IGSF5: variants seen among roughly 807,000 people sequenced by gnomAD.
IGSF5 encodes the protein immunoglobulin superfamily 5 like.
IGSF5 carries 41 observed loss-of-function variants against 39.4 expected under a neutral mutation model. The ratio of observed to expected loss-of-function variants is 1.04; its 90% CI spans 0.81 to 1.35. The LOEUF (loss-of-function observed/expected upper bound fraction) is 1.35, where lower values mean the gene tolerates loss of function less well. Ranked by LOEUF, IGSF5 falls within the 40% of genes most tolerant of loss-of-function variation. The pLI is 0.00. For missense variants in IGSF5, 487 were observed against 494.6 expected, an observed-to-expected ratio of 0.98 and a Z score of 0.15; for synonymous variants, 183 against 175.3, an observed-to-expected ratio of 1.04 and a Z score of -0.34.
chr21:39,731,736 A>G, the IGSF5 span, among the ~76,000 whole-genome samples: 2 of 152,178 alleles, frequency 1.3e-5, no homozygotes, highest in Admixed American at 6.5e-5. Context: ...GAGCTTCCAG[A>G]AAAGGACTCA....
chr21:39,745,003 A>C (rs1161789671), upstream of IGSF5, among the ~76,000 whole-genome samples: 1 of 152,204 alleles, frequency 6.6e-6, no homozygotes, highest in Admixed American at 6.5e-5. Context: ...AAGATCTTCA[A>C]TTATCAATTA....
At chr21:39,740,544 T>C (rs1316544438), upstream of IGSF5, among the ~76,000 whole-genome samples, 1 of 152,190 alleles carries the variant, frequency 6.6e-6, no homozygotes, top group Non-Finnish European at 1.5e-5. Context: ...TGAGCACTAG[T>C]TCCTGGAGTG....
At chr21:39,795,034 G>T (rs549018638) in intron 8 of IGSF5, among the ~76,000 whole-genome samples, 2 of 152,114 alleles carry the variant, frequency 1.3e-5, no homozygotes, top group African/African-American at 4.8e-5. Context: ...TGTCAACACA[G>T]GTAGCCAGAC....
chr21:39,759,490 G>A (rs1045391623), intron 2 of IGSF5, among the ~76,000 whole-genome samples: 9 of 152,096 alleles, frequency 5.9e-5, no homozygotes, highest in African/African-American at 1.7e-4. Flanking sequence ...TATTTCAGCC[G>A]TGGTTACAAA....
intron 2 of IGSF5, among the ~76,000 whole-genome samples, chr21:39,753,252 C>A (rs1460632960): frequency 1.3e-5 from 2 of 152,020 alleles, no homozygotes; most frequent in Non-Finnish European, 2.9e-5. Flanking sequence ...ATAGGGTGTC[C>A]TCTCCTCAAT....
At position 39,794,468 on chromosome 21, in the gene IGSF5, A is replaced by G. The variant is rs186795173; in HGVS notation, c.1128+855A>G. ...GATGGTTCACTTAAGTAAACGGTCA[A>G]CTGGCAGCACTGAGAACATAGTATG... On this transcript the variant is annotated intron_variant, in intron 8 of 8. Transcript: ENST00000380588. 1.8e-3 allele frequency among the ~76,000 whole-genome samples: 281 copies of G among 152,338 alleles called. 1 individual carries two copies. The highest frequency in any genetic ancestry group is 5.8e-3 in the Admixed American group (89 of 15,304).
chr21:39,738,435 A>G, the IGSF5 span, among the ~76,000 whole-genome samples: 11 of 152,140 alleles, frequency 7.2e-5, no homozygotes, highest in African/African-American at 2.4e-4. This position sits in a 1 kb window ranked among gnomAD's most constrained non-coding sequence, Gnocchi z 6.4. Context: ...TCAAGATGAG[A>G]TTTAGGTGGG....
chr21:39,787,607 A>G (rs1470327251), intron 5 of IGSF5, among the ~76,000 whole-genome samples: 1 of 140,620 alleles, frequency 7.1e-6, no homozygotes, highest in Non-Finnish European at 1.5e-5. Context: ...AATTGATACC[A>G]TTGGTACATA....
intron 8 of IGSF5, among the ~76,000 whole-genome samples, chr21:39,795,055 A>AT (rs1181595718): frequency 6.6e-6 from 1 of 152,202 alleles, no homozygotes; most frequent in Non-Finnish European, 1.5e-5. Context: ...AACAAGACAT[A>AT]TGAGGGGCCT....
intron 2 of IGSF5, among the ~76,000 whole-genome samples, chr21:39,746,748 G>A (rs116613333): frequency 7.2e-5 from 11 of 152,164 alleles, no homozygotes; most frequent in African/African-American, 2.2e-4. Context: ...CGGAATGGGG[G>A]CTCAGCACAC....
chr21:39,759,265 A>G (rs1314869011), intron 2 of IGSF5, among the ~76,000 whole-genome samples: 3 of 152,216 alleles, frequency 2.0e-5, no homozygotes, highest in Non-Finnish European at 4.4e-5. Context: ...TAAATCTAAG[A>G]GCACCAGAAT....
At chr21:39,721,602 C>T in the IGSF5 span, among the ~76,000 whole-genome samples, 1 of 152,006 alleles carries the variant, frequency 6.6e-6, no homozygotes, top group African/African-American at 2.4e-5. Context: ...CCAGAAACAC[C>T]CTTATTAGTG....
At chr21:39,728,211 C>A in the IGSF5 span, among the ~76,000 whole-genome samples, 63 of 152,244 alleles carry the variant, frequency 4.1e-4, no homozygotes, top group Non-Finnish European at 6.6e-4. Flanking sequence ...GGGAATATGA[C>A]CTTATTTGCA....
the IGSF5 span, among the ~76,000 whole-genome samples, chr21:39,723,975 C>T: frequency 6.6e-6 from 1 of 151,958 alleles, no homozygotes; most frequent in African/African-American, 2.4e-5. Context: ...GGTGAAGCCA[C>T]ATCTCACTTG....
At chr21:39,797,666 G>T (rs1265786828) in intron 8 of IGSF5, among the ~76,000 whole-genome samples, 2 of 152,124 alleles carry the variant, frequency 1.3e-5, no homozygotes, top group Non-Finnish European at 2.9e-5. Context: ...ACGGGCACTT[G>T]CTGCCATGCC....
At chr21:39,748,515 T>C (rs1263642066) in intron 2 of IGSF5, among the ~76,000 whole-genome samples, 1 of 151,886 alleles carries the variant, frequency 6.6e-6, no homozygotes, top group African/African-American at 2.4e-5. Flanking sequence ...TTCACCATAT[T>C]GGCCAGGCTG....
At chr21:39,737,742 G>T in the IGSF5 span, among the ~76,000 whole-genome samples, 1 of 152,172 alleles carries the variant, frequency 6.6e-6, no homozygotes, top group Non-Finnish European at 1.5e-5. Flanking sequence ...TCGTTGCAGC[G>T]TGGACAGGTG....
At chr21:39,783,342 G>C (rs533154302) in intron 5 of IGSF5, among the ~76,000 whole-genome samples, 4 of 152,076 alleles carry the variant, frequency 2.6e-5, no homozygotes, top group South Asian at 2.1e-4. Context: ...TAGAGTATGA[G>C]AGTTTCCATT....
At chr21:39,798,739 C>T (rs1267943341) in intron 8 of IGSF5, among the ~76,000 whole-genome samples, 2 of 152,218 alleles carry the variant, frequency 1.3e-5, no homozygotes, top group Non-Finnish European at 2.9e-5. Flanking sequence ...TGCTGCTGCA[C>T]CAGCCTCCCA....
Sources: allele counts gnomAD v4.1 joint callset (sites outside exome capture counted in the v4.1 genomes callset), GRCh38; gene constraint gnomAD v4.1.1; non-coding constraint Gnocchi (gnomAD v3.1); transcripts MANE v1.5; gene names NCBI Gene and HGNC (gene_info 2026-07-23, HGNC 2026-07-21).